The following IL1RAPL1 variants were observed in gnomAD, a reference collection of about 807,000 sequenced individuals.
The protein encoded by IL1RAPL1 is interleukin 1 receptor accessory protein like 1.
IL1RAPL1 carries 3 observed loss-of-function variants against 48.4 expected under a neutral mutation model. That is an observed-to-expected ratio of 0.06 (90% CI 0.03 to 0.16). The LOEUF is 0.16. Ranked by LOEUF, IL1RAPL1 falls within the 10% of genes least tolerant of loss-of-function variation. IL1RAPL1 has a pLI of 1.00. For missense variants in IL1RAPL1, 349 were observed against 530.6 expected, an observed-to-expected ratio of 0.66 and a Z score of 3.36; for synonymous variants, 185 against 187.7, an observed-to-expected ratio of 0.99 and a Z score of 0.12.
intron 1 of IL1RAPL1, among the ~76,000 whole-genome samples, chrX:28,628,305 G>A (rs375767175): frequency 8.9e-6 from 1 of 112,056 alleles, no homozygotes; most frequent in East Asian, 2.8e-4. Context: ...TAAGGGCAGG[G>A]GAAATGGACT....
chrX:29,374,882 A>T (rs1933600629), intron 3 of IL1RAPL1, among the ~76,000 whole-genome samples: 1 of 111,142 alleles, frequency 9.0e-6, no homozygotes, highest in Non-Finnish European at 1.9e-5. Flanking sequence ...ATCAGTTGCA[A>T]ATTGATATCC....
chrX:28,701,223 G>A (rs754041939), intron 1 of IL1RAPL1, among the ~76,000 whole-genome samples: 10 of 111,428 alleles, frequency 9.0e-5, no homozygotes, highest in Non-Finnish European at 1.5e-4. Flanking sequence ...AACTGGGTAC[G>A]GTTAGTTTAA....
chrX:28,796,264 C>T (rs1291825109), intron 2 of IL1RAPL1, among the ~76,000 whole-genome samples: 1 of 111,565 alleles, frequency 9.0e-6, no homozygotes, highest in African/African-American at 3.3e-5. Context: ...CCCGGCCCCT[C>T]CCAGATTTCA....
At chrX:29,004,577 GAGGGA>G (rs1569217411) in intron 2 of IL1RAPL1, among the ~76,000 whole-genome samples, 1 of 112,522 alleles carries the variant, frequency 8.9e-6, no homozygotes, top group African/African-American at 3.2e-5. Context: ...ATACTGCATA[GAGGGA>G]AGAAATAATC....
intron 5 of IL1RAPL1, among the ~76,000 whole-genome samples, chrX:29,423,941 G>A (rs994532345): frequency 1.8e-5 from 2 of 111,781 alleles, no homozygotes; most frequent in Non-Finnish European, 3.8e-5. Flanking sequence ...TTATTGATGT[G>A]CTGTCCTGGA....
At chrX:28,685,178 A>G (rs1355514774) in intron 1 of IL1RAPL1, among the ~76,000 whole-genome samples, 1 of 112,460 alleles carries the variant, frequency 8.9e-6, no homozygotes, top group East Asian at 2.8e-4. Flanking sequence ...TGAATCAACA[A>G]TCTTCTTTCC....
chrX:29,023,616 A>T (rs1217460942), intron 2 of IL1RAPL1, among the ~76,000 whole-genome samples: 1 of 112,573 alleles, frequency 8.9e-6, no homozygotes, highest in East Asian at 2.8e-4. Context: ...TTAATTTTAG[A>T]TGCTGTCACT....
chrX:28,863,907 T>C (rs910360477), intron 2 of IL1RAPL1, among the ~76,000 whole-genome samples: 2 of 111,957 alleles, frequency 1.8e-5, no homozygotes, highest in Non-Finnish European at 3.8e-5. Flanking sequence ...TATACATTGG[T>C]TTACTGTTTA....
chrX:28,921,236 T>C (rs768625649), intron 2 of IL1RAPL1, among the ~76,000 whole-genome samples: 30 of 111,757 alleles, frequency 2.7e-4, no homozygotes, highest in African/African-American at 9.4e-4. Flanking sequence ...TTCTTTAATT[T>C]GATTGTATTA....
chrX:28,954,564 T>G (rs1924552932), intron 2 of IL1RAPL1, among the ~76,000 whole-genome samples: 1 of 110,700 alleles, frequency 9.0e-6, no homozygotes, highest in Admixed American at 9.7e-5. Context: ...TGGAAAATTT[T>G]TAGCACTTCA....
At chrX:29,822,403 A>G (rs1315224747) in intron 6 of IL1RAPL1, among the ~76,000 whole-genome samples, 2 of 111,178 alleles carry the variant, frequency 1.8e-5, no homozygotes, top group Non-Finnish European at 3.8e-5. Context: ...TAATTTTTAT[A>G]TAAAAGACTT....
intron 8 of IL1RAPL1, among the ~76,000 whole-genome samples, chrX:29,940,678 T>TA (rs1350293601): frequency 8.9e-6 from 1 of 111,788 alleles, no homozygotes; most frequent in East Asian, 2.8e-4. Flanking sequence ...TTATTTTTGT[T>TA]ACAATGTCCA....
intron 6 of IL1RAPL1, among the ~76,000 whole-genome samples, chrX:29,679,634 T>C (rs913631062): frequency 1.8e-4 from 20 of 112,345 alleles, no homozygotes; most frequent in African/African-American, 5.5e-4. Flanking sequence ...TAATTTGTAA[T>C]GATTATTATT....
At chrX:28,917,719 AAAAT>A (rs1923520815) in intron 2 of IL1RAPL1, among the ~76,000 whole-genome samples, 1 of 112,521 alleles carries the variant, frequency 8.9e-6, no homozygotes, top group African/African-American at 3.2e-5. Flanking sequence ...TGGATATGTG[AAAAT>A]AAATAATTAT....
At chrX:28,831,020 CTCTCTCTG>C (rs1272921743) in intron 2 of IL1RAPL1, among the ~76,000 whole-genome samples, 1 of 65,903 alleles carries the variant, frequency 1.5e-5, no homozygotes, top group East Asian at 6.8e-4. Context: ...CTCTCTCTCT[CTCTCTCTG>C]TGTGTGTGTG....
At chrX:29,049,027 T>C (rs1927035694) in intron 2 of IL1RAPL1, among the ~76,000 whole-genome samples, 1 of 112,539 alleles carries the variant, frequency 8.9e-6, no homozygotes, top group Non-Finnish European at 1.9e-5. Context: ...GATATGCTTC[T>C]TTTACAAATG....
intron 6 of IL1RAPL1, among the ~76,000 whole-genome samples, chrX:29,739,416 T>A (rs929796174): frequency 1.7e-4 from 19 of 111,763 alleles, no homozygotes; most frequent in Non-Finnish European, 2.6e-4. Context: ...CATTAGGTAT[T>A]TTTTCCATTT....
intron 2 of IL1RAPL1, among the ~76,000 whole-genome samples, chrX:28,792,816 A>AAAAAAAAT (rs1936562170): frequency 2.0e-4 from 2 of 10,107 alleles, no homozygotes; most frequent in African/African-American, 3.4e-4. Flanking sequence ...AAAAAAAAAA[A>AAAAAAAAT]ATATATATAT....
intron 5 of IL1RAPL1, among the ~76,000 whole-genome samples, chrX:29,554,362 A>G (rs1275580380): frequency 8.9e-6 from 1 of 111,807 alleles, no homozygotes; most frequent in Non-Finnish European, 1.9e-5. Flanking sequence ...AGTGAGATCA[A>G]TGATCTGGCT....
Sources: allele counts gnomAD v4.1 joint callset (sites outside exome capture counted in the v4.1 genomes callset), GRCh38; gene constraint gnomAD v4.1.1; transcripts MANE v1.5; gene names NCBI Gene and HGNC (gene_info 2026-07-23, HGNC 2026-07-21).